MIPOL1: variants seen among roughly 807,000 people sequenced by gnomAD.
MIPOL1 encodes mirror-image polydactyly 1.
MIPOL1 carries 57 observed loss-of-function variants against 60.9 expected under a neutral mutation model. The observed-to-expected ratio is 0.94, with a 90% CI of 0.76 to 1.17. The LOEUF (loss-of-function observed/expected upper bound fraction) is 1.17. Ranked by LOEUF, MIPOL1 falls within the 50% of genes most tolerant of loss-of-function variation. The pLI is 0.00. For synonymous variants in MIPOL1, 179 were observed against 168.8 expected (o/e 1.06, Z -0.47); for missense variants, 551 against 511.6 (o/e 1.08, Z -0.74).
chr14:37,353,745 T>A (rs1188482411), intron 9 of MIPOL1, among the ~76,000 whole-genome samples: 2 of 152,198 alleles, frequency 1.3e-5, no homozygotes, highest in East Asian at 3.8e-4. Context: ...GTGGGATCAG[T>A]GGTGATATCC....
intron 3 of MIPOL1, among the ~76,000 whole-genome samples, chr14:37,254,615 A>G (rs573865166): frequency 1.3e-5 from 2 of 151,922 alleles, no homozygotes; most frequent in African/African-American, 4.8e-5. Flanking sequence ...CAACCAGTGA[A>G]CTAATCCATA....
chr14:37,204,731 C>G (rs1438145535), intron 1 of MIPOL1, among the ~76,000 whole-genome samples: 1 of 152,126 alleles, frequency 6.6e-6, no homozygotes, highest in African/African-American at 2.4e-5. Context: ...CGGACTAACA[C>G]AGTAAACAGA....
intron 10 of MIPOL1, among the ~76,000 whole-genome samples, chr14:37,414,597 C>G (rs2093732869): frequency 6.6e-6 from 1 of 152,108 alleles, no homozygotes; most frequent in Non-Finnish European, 1.5e-5. Flanking sequence ...TTGAGAATCC[C>G]TTTTAAATAA....
intron 11 of MIPOL1, among the ~76,000 whole-genome samples, chr14:37,457,932 TGAAAACCCCATGTTTTTCATGGGTA>T (rs896362684): frequency 5.3e-5 from 8 of 152,108 alleles, no homozygotes; most frequent in Non-Finnish European, 1.0e-4. Context: ...AAACATGGGT[TGAAAACCCCATGTTTTTCATGGGTA>T]GACACTCATA....
chr14:37,394,526 A>AT (rs1351808102), intron 10 of MIPOL1, among the ~76,000 whole-genome samples: 10 of 151,014 alleles, frequency 6.6e-5, no homozygotes, highest in South Asian at 6.3e-4. Flanking sequence ...TATGCTGAGC[A>AT]TTTTTTTCAT....
intron 12 of MIPOL1, among the ~76,000 whole-genome samples, chr14:37,520,482 G>C (rs1375173551): frequency 6.6e-6 from 1 of 152,100 alleles, no homozygotes; most frequent in African/African-American, 2.4e-5. Context: ...CTAGCTTGCT[G>C]CATTTCATTG....
chr14:37,304,170 T>A (rs904217516), intron 7 of MIPOL1, among the ~76,000 whole-genome samples: 5 of 151,884 alleles, frequency 3.3e-5, no homozygotes, highest in Middle Eastern at 3.4e-3. Context: ...TTTAAAAAAA[T>A]TCCTAATTTT....
chr14:37,242,273 C>A (rs1344643212), intron 1 of MIPOL1, among the ~76,000 whole-genome samples: 1 of 151,736 alleles, frequency 6.6e-6, no homozygotes, highest in Non-Finnish European at 1.5e-5. Context: ...AACTCATAGG[C>A]CCTTTCTTCA....
chr14:37,342,132 C>A (rs912182931), intron 9 of MIPOL1, among the ~76,000 whole-genome samples: 2 of 151,920 alleles, frequency 1.3e-5, no homozygotes, highest in African/African-American at 2.4e-5. Context: ...GAGGCCAAGG[C>A]GGGTGAATCA....
At chr14:37,362,241 C>G (rs1182287969) in intron 9 of MIPOL1, among the ~76,000 whole-genome samples, 1 of 152,170 alleles carries the variant, frequency 6.6e-6, no homozygotes, top group Non-Finnish European at 1.5e-5. Context: ...TTTGCAGTGG[C>G]TAGTACTGGT....
At chr14:37,269,367 G>C (rs1448256443) in intron 5 of MIPOL1, among the ~76,000 whole-genome samples, 2 of 151,564 alleles carry the variant, frequency 1.3e-5, no homozygotes, top group Non-Finnish European at 2.9e-5. Context: ...ATTAAATAAT[G>C]TGCATTTTCT....
At chr14:37,366,818 A>G (rs1178581692) in intron 9 of MIPOL1, among the ~76,000 whole-genome samples, 3 of 152,176 alleles carry the variant, frequency 2.0e-5, no homozygotes, top group African/African-American at 4.8e-5. Context: ...TGCTTTATAT[A>G]TATATGGATG....
At chr14:37,221,822 A>G (rs1287661671) in intron 1 of MIPOL1, among the ~76,000 whole-genome samples, 2 of 152,198 alleles carry the variant, frequency 1.3e-5, no homozygotes, top group Non-Finnish European at 1.5e-5. Context: ...ATCACATGGC[A>G]GTTGAATTTG....
At chr14:37,297,482 G>A (rs2085857139) in intron 7 of MIPOL1, among the ~76,000 whole-genome samples, 1 of 152,040 alleles carries the variant, frequency 6.6e-6, no homozygotes. Context: ...AGGAAATAAA[G>A]GGCATTGAAT....
chr14:37,345,477 C>T (rs1393259111), intron 9 of MIPOL1, among the ~76,000 whole-genome samples: 1 of 152,310 alleles, frequency 6.6e-6, no homozygotes, highest in Admixed American at 6.5e-5. Context: ...CAGTTACTAT[C>T]AGTTATTGAT....
intron 11 of MIPOL1, among the ~76,000 whole-genome samples, chr14:37,451,860 G>GC (rs1196490459): frequency 1.4e-4 from 19 of 137,322 alleles, no homozygotes; most frequent in African/African-American, 5.4e-4. Context: ...TGTGGCCCAG[G>GC]TGGAAGTGCA....
At chr14:37,394,057 C>CATATGTATATATATATATATATATAT (rs2093316327) in intron 10 of MIPOL1, among the ~76,000 whole-genome samples, 2 of 73,310 alleles carry the variant, frequency 2.7e-5, no homozygotes, top group Admixed American at 3.6e-4. Context: ...TTAGTAGTGG[C>CATATGTATATATATATATATATATAT]ATATATATAT....
At chr14:37,364,872 A>AT (rs935700044) in intron 9 of MIPOL1, among the ~76,000 whole-genome samples, 4 of 152,000 alleles carry the variant, frequency 2.6e-5, no homozygotes, top group African/African-American at 4.8e-5. Context: ...CTGTCTTTTC[A>AT]TTTTTTGGTG....
At chr14:37,509,953 C>G (rs1366914469) in intron 12 of MIPOL1, among the ~76,000 whole-genome samples, 1 of 151,434 alleles carries the variant, frequency 6.6e-6, no homozygotes, top group Non-Finnish European at 1.5e-5. Context: ...ATAATTCAAC[C>G]TGAAAACTAT....
Sources: gnomAD v4.1 joint callset for allele counts (sites outside exome capture counted in the v4.1 genomes callset) on GRCh38, gnomAD v4.1.1 for gene constraint, MANE v1.5 for transcripts, NCBI Gene and HGNC (gene_info 2026-07-23, HGNC 2026-07-21) for gene names.